ATP8B1: variants seen among roughly 807,000 people sequenced by gnomAD.
ATP8B1 encodes the protein phospholipid-transporting ATPase IC.
In ATP8B1, 80 loss-of-function variants were observed where a neutral mutation model predicts 149.9. The ratio of observed to expected loss-of-function variants is 0.53; its 90% CI spans 0.45 to 0.64. The LOEUF (loss-of-function observed/expected upper bound fraction) is 0.64, where lower values mean the gene tolerates loss of function less well. Ranked by LOEUF, ATP8B1 falls within the 30% of genes least tolerant of loss-of-function variation. The pLI is 0.00. For synonymous variants in ATP8B1, 536 were observed against 562.8 expected (o/e 0.95, Z 0.67); for missense variants, 1,247 against 1,552.6 (o/e 0.80, Z 3.31).
Position 57,756,305 on chromosome 18 carries a change from A to ATATATATATATATATATATATATG in ATP8B1, c.-25-24474_-25-24473insCATATATATATATATATATATATA, listed in dbSNP as rs374550138. ...CATATATATGTGTGTGTGTATGTATATATATATATATTTGAGACTGAGTTT... is the reference window on the plus strand; with the variant it reads ...CATATATATGTGTGTGTGTATGTATATATATATATATATATATATATATGTATATATATATTTGAGACTGAGTTT... On this transcript the variant is annotated intron_variant, in intron 1 of 27. Coordinates refer to ENST00000648908, the MANE Select transcript of ATP8B1 (RefSeq NM_001374385.1). Among the ~76,000 whole-genome samples, 80 of 106,118 alleles carry ATATATATATATATATATATATATG rather than the reference A, an allele frequency of 7.5e-4. 2 individuals are homozygous for ATATATATATATATATATATATATG. Among genetic ancestry groups the ATATATATATATATATATATATATG allele is most frequent in the African/African-American group, 1.5e-3 (36 of 23,850 alleles). 69.6% of individuals were successfully genotyped at this position (106,118 alleles called of 152,430 possible). A position where few individuals can be genotyped will look rare whatever the true frequency, so the allele number is the denominator to read the frequency against.
intron 12 of ATP8B1, among the ~76,000 whole-genome samples, chr18:57,688,912 A>C (rs57700592): frequency 0.024 from 3,585 of 152,224 alleles, 152 homozygotes; most frequent in African/African-American, 0.082. Flanking sequence ...TCTGAGCAAT[A>C]AATTTCGAAG....
At chr18:57,682,437 G>A (rs1912028647) in intron 15 of ATP8B1, among the ~76,000 whole-genome samples, 1 of 152,162 alleles carries the variant, frequency 6.6e-6, no homozygotes, top group Admixed American at 6.5e-5. Flanking sequence ...ATCCCACTGG[G>A]GAAAGATAGA....
intron 1 of ATP8B1, among the ~76,000 whole-genome samples, chr18:57,796,109 A>G (rs1712072374): frequency 1.3e-5 from 2 of 152,204 alleles, no homozygotes; most frequent in African/African-American, 4.8e-5. Context: ...CAGAGGTTGC[A>G]GAGAGCTGAG....
chr18:57,795,784 G>A (rs934788099), intron 1 of ATP8B1, among the ~76,000 whole-genome samples: 1 of 152,244 alleles, frequency 6.6e-6, no homozygotes, highest in Non-Finnish European at 1.5e-5. Context: ...GGATGGTGGT[G>A]ATGGTTGCAC....
chr18:57,715,037 A>T (rs760505629), intron 2 of ATP8B1, among the ~76,000 whole-genome samples: 3 of 152,236 alleles, frequency 2.0e-5, no homozygotes, highest in Admixed American at 6.5e-5. Context: ...GGAAACTCAA[A>T]GAAATTCAAG....
At chr18:57,776,926 C>T (rs1300737773) in intron 1 of ATP8B1, among the ~76,000 whole-genome samples, 1 of 151,956 alleles carries the variant, frequency 6.6e-6, no homozygotes, top group Non-Finnish European at 1.5e-5. Context: ...CTAAGTCCTA[C>T]TCCAGGCCGA....
At chr18:57,755,221 T>C (rs2080065414) in intron 1 of ATP8B1, among the ~76,000 whole-genome samples, 1 of 152,208 alleles carries the variant, frequency 6.6e-6, no homozygotes, top group Admixed American at 6.5e-5. Context: ...ATATTCATGT[T>C]ACACTCCCAT....
intron 15 of ATP8B1, among the ~76,000 whole-genome samples, chr18:57,679,717 C>T (rs1406033494): frequency 3.9e-5 from 6 of 152,076 alleles, no homozygotes; most frequent in Admixed American, 2.0e-4. Flanking sequence ...CAGGCTGGAG[C>T]GCAGTGGCAA....
intron 2 of ATP8B1, among the ~76,000 whole-genome samples, chr18:57,718,006 A>G (rs2079600130): frequency 6.6e-6 from 1 of 151,648 alleles, no homozygotes; most frequent in South Asian, 2.1e-4. Flanking sequence ...TCAGCCTCCC[A>G]AAGTGCTGGG....
At chr18:57,666,998 C>T in intron 20 of ATP8B1, 94 bp downstream of exon 20, 3 of 1,140,158 alleles carry the variant, frequency 2.6e-6, no homozygotes, top group Middle Eastern at 1.9e-4. Flanking sequence ...CACATCGTAA[C>T]CCCTATTTCT....
intron 1 of ATP8B1, among the ~76,000 whole-genome samples, chr18:57,777,181 T>C (rs145096022): frequency 5.9e-5 from 9 of 152,276 alleles, no homozygotes; most frequent in Non-Finnish European, 1.0e-4. Context: ...TTTCGCTATG[T>C]TTCCCAGGCT....
At chr18:57,747,812 T>C (rs2079978381) in intron 1 of ATP8B1, among the ~76,000 whole-genome samples, 1 of 152,206 alleles carries the variant, frequency 6.6e-6, no homozygotes, top group Non-Finnish European at 1.5e-5. Context: ...TTAATCACTG[T>C]CTCTTATGCT....
intron 1 of ATP8B1, among the ~76,000 whole-genome samples, chr18:57,753,166 G>A (rs2080039252): frequency 6.6e-6 from 1 of 152,240 alleles, no homozygotes; most frequent in South Asian, 2.1e-4. Context: ...GAGAGAACCA[G>A]TAATATAACT....
intron 14 of ATP8B1, among the ~76,000 whole-genome samples, chr18:57,684,454 G>A (rs1912134937): frequency 6.6e-6 from 1 of 151,496 alleles, no homozygotes; most frequent in South Asian, 2.1e-4. Flanking sequence ...TCAGTTCTCT[G>A]CAACCTCCAC....
chr18:57,666,533 GTTT>G (rs5825232), intron 20 of ATP8B1, among the ~76,000 whole-genome samples: 25 of 144,090 alleles, frequency 1.7e-4, no homozygotes, highest in Non-Finnish European at 2.1e-4. Context: ...GGTGAACCGA[GTTT>G]TTTTTTTTTT....
chr18:57,772,048 A>AAAAACAAAAC (rs2080268507), intron 1 of ATP8B1, among the ~76,000 whole-genome samples: 1 of 152,214 alleles, frequency 6.6e-6, no homozygotes, highest in Admixed American at 6.5e-5. Context: ...AAGTTATCCT[A>AAAAACAAAAC]AAAACAAAAC....
At chr18:57,650,619 G>C in intron 26 of ATP8B1, 122 bp from the exon 27 acceptor site, 1 of 1,212,436 alleles carries the variant, frequency 8.2e-7, no homozygotes, top group Non-Finnish European at 1.2e-6. Context: ...AAGGTGGGTG[G>C]ATTGCCAGAG....
chr18:57,732,846 C>T (rs971921684), intron 1 of ATP8B1, among the ~76,000 whole-genome samples: 6 of 58,520 alleles, frequency 1.0e-4, no homozygotes, highest in South Asian at 1.1e-3. Flanking sequence ...TACAGGCCCG[C>T]GCCCGGCCGG....
In ATP8B1 at chr18:57,688,375, G is replaced by T; in HGVS notation, c.1353C>A (p.Ile451=). The change falls in exon 13 of 28, where the codon ATC becomes ATA. Residue 451 remains isoleucine (I), a synonymous_variant. Transcript: ENST00000648908. The part of the protein sequence containing the change: ...LNEQLGQIHY[I]FSDKTGTLTQ... ...TGAGTGTCCCCGTCTTATCAGAGAA[G>T]ATATAATGGATCTGCCCGAGCTGTT... 6.2e-7 allele frequency: 1 copy of T among 1,614,194 alleles called. No individual in the cohort carries two copies. Among genetic ancestry groups the T allele is most frequent in the South Asian group, 1.1e-5 (1 of 91,076 alleles).
Sources: gnomAD v4.1 joint callset for allele counts (sites outside exome capture counted in the v4.1 genomes callset) on GRCh38, gnomAD v4.1.1 for gene constraint, MANE v1.5 for transcripts, NCBI Gene and HGNC (gene_info 2026-07-23, HGNC 2026-07-21) for gene names.